The following MECOM variants were observed in gnomAD, a reference collection of about 807,000 sequenced individuals.
MECOM encodes histone-lysine N-methyltransferase MECOM.
A neutral mutation model predicts 116.3 loss-of-function variants in MECOM; 13 were observed. The observed-to-expected ratio is 0.11, with a 90% CI of 0.07 to 0.18. The LOEUF (loss-of-function observed/expected upper bound fraction) is 0.18. Among genes scored for constraint, MECOM ranks in the 10% least tolerant of loss-of-function variants. MECOM has a pLI of 1.00. For missense variants in MECOM, 1,299 were observed against 1,509.0 expected, an observed-to-expected ratio of 0.86 and a Z score of 2.31; for synonymous variants, 528 against 535.2, an observed-to-expected ratio of 0.99 and a Z score of 0.19.
intron 2 of MECOM, among the ~76,000 whole-genome samples, chr3:169,331,482 T>C (rs933299761): frequency 2.0e-5 from 3 of 152,156 alleles, no homozygotes; most frequent in Non-Finnish European, 2.9e-5. Context: ...AGAGGATTTA[T>C]ATAATAAAAA....
At position 169,168,337 on chromosome 3, in the gene MECOM, C is replaced by CT. The variant is rs1166736467; in HGVS notation, c.376-24506dup. On this transcript the variant is annotated intron_variant, in intron 2 of 16. Transcript: ENST00000651503. ...GGCATGAGTCACCACACTTGGCCTGCTTTTTTTTTTTTTTTTTTGGTTCCA... is the reference window on the plus strand; with the variant it reads ...GGCATGAGTCACCACACTTGGCCTGCTTTTTTTTTTTTTTTTTTTGGTTCCA... Among the ~76,000 whole-genome samples the CT allele has an allele frequency of 6.6e-3, 713 of 108,378 alleles. 4 individuals are homozygous for CT. The highest frequency in any genetic ancestry group is 0.016 in the Middle Eastern group (3 of 184). 71.1% of individuals were successfully genotyped at this position (108,378 alleles called of 152,430 possible). A position where few individuals can be genotyped will look rare whatever the true frequency, so the allele number is the denominator to read the frequency against.
At chr3:169,329,496 A>C (rs886130095) in intron 2 of MECOM, among the ~76,000 whole-genome samples, 1 of 152,172 alleles carries the variant, frequency 6.6e-6, no homozygotes, top group Non-Finnish European at 1.5e-5. Flanking sequence ...TGAACCATTG[A>C]GCATCCTTTT....
chr3:169,617,939 T>C (rs1164099071), intron 1 of MECOM, among the ~76,000 whole-genome samples: 2 of 152,178 alleles, frequency 1.3e-5, no homozygotes, highest in African/African-American at 4.8e-5. Context: ...TGAGTGGATC[T>C]TTATTCTTCA....
chr3:169,501,916 G>C (rs986502973), intron 1 of MECOM, among the ~76,000 whole-genome samples: 2 of 152,056 alleles, frequency 1.3e-5, no homozygotes, highest in African/African-American at 4.8e-5. Context: ...GCCACTTACT[G>C]GTTCAAGGTC....
rs148499970 is a variant in MECOM at position 169,152,347 on chromosome 3, C to A, written c.376-8515G>T. 2.0e-5 allele frequency among the ~76,000 whole-genome samples: 3 copies of A among 152,008 alleles called. No individual in the cohort carries two copies. In the East Asian group the frequency reaches 5.8e-4, roughly 29 times the overall value. On this transcript the variant is annotated intron_variant, in intron 2 of 16. Coordinates refer to ENST00000651503, the MANE Select transcript of MECOM (RefSeq NM_004991.4). ...ATTTCCCTTGGTCTGGAAATGGGCCCGACTGAAAGCATGTTAATCTCCACC... is the reference window on the plus strand; with the variant it reads ...ATTTCCCTTGGTCTGGAAATGGGCCAGACTGAAAGCATGTTAATCTCCACC...
rs538008124 is a variant in MECOM at position 169,209,968 on chromosome 3, G to A, written c.376-66136C>T. 3.3e-5 allele frequency among the ~76,000 whole-genome samples: 5 copies of A among 152,248 alleles called. No individual in the cohort carries two copies. In the South Asian group the frequency reaches 8.3e-4, roughly 25 times the overall value. ...GGAACCAATCCAAATGCTCATCAAT[G>A]ATAGACACAATAAAGAAAATGTGGT... On this transcript the variant is annotated intron_variant, in intron 2 of 16. Transcript: ENST00000651503.
intron 1 of MECOM, among the ~76,000 whole-genome samples, chr3:169,620,188 G>A (rs1369817256): frequency 6.6e-6 from 1 of 152,122 alleles, no homozygotes; most frequent in Non-Finnish European, 1.5e-5. Flanking sequence ...TCCTTCTTTT[G>A]TACTCCCCTG....
intron 2 of MECOM, among the ~76,000 whole-genome samples, chr3:169,360,069 T>C (rs1727948541): frequency 6.6e-6 from 1 of 151,634 alleles, no homozygotes; most frequent in Non-Finnish European, 1.5e-5. Context: ...AGAATCTACC[T>C]ACACTCAGGG....
intron 1 of MECOM, among the ~76,000 whole-genome samples, chr3:169,646,786 G>T (rs1054757857): frequency 3.3e-5 from 5 of 152,144 alleles, no homozygotes; most frequent in Non-Finnish European, 5.9e-5. Flanking sequence ...ACTGGTAAAT[G>T]ATAAGGTATA....
intron 1 of MECOM, among the ~76,000 whole-genome samples, chr3:169,662,545 G>C (rs567907748): frequency 6.6e-6 from 1 of 151,986 alleles, no homozygotes; most frequent in Non-Finnish European, 1.5e-5. Flanking sequence ...GTGGCTGTGC[G>C]GAGCCGGTAG....
chr3:169,462,199 C>G (rs1424239399), intron 1 of MECOM, among the ~76,000 whole-genome samples: 2 of 152,144 alleles, frequency 1.3e-5, no homozygotes, highest in Non-Finnish European at 2.9e-5. Flanking sequence ...GTAGCCCCAG[C>G]AGACAGCAGG....
At chr3:169,175,388 C>T (rs780089154) in intron 2 of MECOM, among the ~76,000 whole-genome samples, 35 of 152,072 alleles carry the variant, frequency 2.3e-4, no homozygotes, top group East Asian at 1.9e-4. Flanking sequence ...CAATTCAATG[C>T]CTGCAAACTT....
At chr3:169,145,183 CACACACAGAG>C (rs764285365) in intron 2 of MECOM, 10,613 of 99,196 alleles carry the variant, frequency 0.11, 342 homozygotes, top group African/African-American at 0.35. Context: ...CACACACACA[CACACACAGAG>C]AGAAATCAAA....
At chr3:169,117,288 A>C (rs1729479244) in intron 7 of MECOM, among the ~76,000 whole-genome samples, 1 of 152,156 alleles carries the variant, frequency 6.6e-6, no homozygotes. Flanking sequence ...GTATTATATC[A>C]TATGCTCTCA....
chr3:169,277,192 T>C (rs984006239), intron 2 of MECOM, among the ~76,000 whole-genome samples: 5 of 152,230 alleles, frequency 3.3e-5, no homozygotes, highest in African/African-American at 9.6e-5. Context: ...TGTGTTTCTC[T>C]GGTCTTCATC....
At chr3:169,509,421 G>A (rs1402086287) in intron 1 of MECOM, among the ~76,000 whole-genome samples, 3 of 152,068 alleles carry the variant, frequency 2.0e-5, no homozygotes, top group Admixed American at 1.3e-4. Flanking sequence ...TCACACTGTT[G>A]TACGACCATC....
intron 9 of MECOM, among the ~76,000 whole-genome samples, chr3:169,111,335 C>A (rs1010701216): frequency 1.3e-5 from 2 of 152,068 alleles, no homozygotes; most frequent in African/African-American, 4.8e-5. Context: ...ATTAATATTA[C>A]TGTAATTAAT....
At chr3:169,404,202 T>A (rs1736302544) in intron 1 of MECOM, among the ~76,000 whole-genome samples, 1 of 151,760 alleles carries the variant, frequency 6.6e-6, no homozygotes, top group African/African-American at 2.4e-5. Flanking sequence ...CTTCCTAGAT[T>A]AAAAAAAATA....
At chr3:169,378,415 A>AAGAAAG (rs1261052102) in intron 2 of MECOM, among the ~76,000 whole-genome samples, 4 of 65,094 alleles carry the variant, frequency 6.1e-5, no homozygotes, top group African/African-American at 4.6e-4. Flanking sequence ...GAAAGAAAGA[A>AAGAAAG]AGAAAGAAAG....
Sources: gnomAD v4.1 joint callset for allele counts (sites outside exome capture counted in the v4.1 genomes callset) on GRCh38, gnomAD v4.1.1 for gene constraint, MANE v1.5 for transcripts, NCBI Gene and HGNC (gene_info 2026-07-23, HGNC 2026-07-21) for gene names.